Variants in MAK observed in about 807,000 individuals in gnomAD.
MAK encodes serine/threonine-protein kinase MAK.
Under a neutral mutation model 82.6 loss-of-function variants are expected in MAK, and 65 were observed. That is an observed-to-expected ratio of 0.79 (90% CI 0.64 to 0.97). The LOEUF (loss-of-function observed/expected upper bound fraction) is 0.97. Ranked by LOEUF, MAK falls within the 50% of genes least tolerant of loss-of-function variation. The pLI is 0.00. For synonymous variants in MAK, 250 were observed against 274.2 expected, an observed-to-expected ratio of 0.91 and a Z score of 0.87; for missense variants, 703 against 780.2, an observed-to-expected ratio of 0.90 and a Z score of 1.18.
chr6:10,821,022 C>T (rs958650791), intron 2 of MAK, among the ~76,000 whole-genome samples: 2 of 152,058 alleles, frequency 1.3e-5, no homozygotes, highest in African/African-American at 2.4e-5. Flanking sequence ...GATCATGGCT[C>T]ACTGTAGCCT....
intron 1 of MAK, among the ~76,000 whole-genome samples, chr6:10,835,734 A>G: frequency 6.6e-6 from 1 of 152,232 alleles, no homozygotes; most frequent in East Asian, 1.9e-4. Flanking sequence ...GGAATGGAAG[A>G]GGGAGCTGCC....
At chr6:10,816,474 T>G (rs1171553934) in intron 4 of MAK, among the ~76,000 whole-genome samples, 1 of 152,172 alleles carries the variant, frequency 6.6e-6, no homozygotes, top group African/African-American at 2.4e-5. Context: ...TTCATGTAAG[T>G]ATATATCATT....
chr6:10,767,151 ATC>A (rs1250360065), intron 14 of MAK, among the ~76,000 whole-genome samples: 1 of 152,216 alleles, frequency 6.6e-6, no homozygotes, highest in East Asian at 1.9e-4. Context: ...TAAAAACTGC[ATC>A]TGTCCTATCA....
At chr6:10,778,305 G>A (rs1773637005) in intron 11 of MAK, among the ~76,000 whole-genome samples, 1 of 152,196 alleles carries the variant, frequency 6.6e-6, no homozygotes, top group African/African-American at 2.4e-5. Flanking sequence ...TGAGCAGGGT[G>A]CATCATGTTT....
At chr6:10,811,516 T>G (rs1776930134) in intron 5 of MAK, among the ~76,000 whole-genome samples, 1 of 152,254 alleles carries the variant, frequency 6.6e-6, no homozygotes, top group Non-Finnish European at 1.5e-5. Flanking sequence ...CAATCCCTTA[T>G]GCTTCAGACG....
At chr6:10,813,499 A>C (rs1361282529) in intron 5 of MAK, 145 bp downstream of exon 5, 2 of 597,420 alleles carry the variant, frequency 3.3e-6, no homozygotes, top group African/African-American at 3.8e-5. Flanking sequence ...TAAAGTTTTT[A>C]AATAAAAATG....
chr6:10,782,845 T>C (rs1332947345), intron 11 of MAK, among the ~76,000 whole-genome samples: 1 of 152,218 alleles, frequency 6.6e-6, no homozygotes, highest in Non-Finnish European at 1.5e-5. Flanking sequence ...CCCAAAGTGC[T>C]GGGATTACAG....
At chr6:10,822,557 T>A (rs1010810350) in intron 2 of MAK, among the ~76,000 whole-genome samples, 2 of 152,220 alleles carry the variant, frequency 1.3e-5, no homozygotes, top group Non-Finnish European at 2.9e-5. Flanking sequence ...TTCCCTTCCC[T>A]AAGGCAATGC....
At chr6:10,804,269 G>T (rs1776235837) in intron 6 of MAK, among the ~76,000 whole-genome samples, 1 of 152,154 alleles carries the variant, frequency 6.6e-6, no homozygotes, top group Non-Finnish European at 1.5e-5. Flanking sequence ...AGATGAACAG[G>T]ATTATATCCT....
At chr6:10,768,984 A>G (rs971754493) in intron 14 of MAK, among the ~76,000 whole-genome samples, 1 of 152,222 alleles carries the variant, frequency 6.6e-6, no homozygotes, top group African/African-American at 2.4e-5. Context: ...CCAAGGTGGG[A>G]GGATTGCTTG....
At chr6:10,769,293 AT>A (rs1218557328) in intron 14 of MAK, among the ~76,000 whole-genome samples, 3 of 152,230 alleles carry the variant, frequency 2.0e-5, no homozygotes, top group South Asian at 2.1e-4. Context: ...TTTAATGTTT[AT>A]TTTTGGTGCT....
rs149543153 is a variant in MAK, at chr6:10,800,839, T to TCAA, written c.831+1050_831+1052dup. On this transcript the variant is annotated intron_variant, in intron 8 of 14. Transcript: ENST00000354489. This position sits in a 1 kb window ranked among gnomAD's most constrained non-coding sequence, Gnocchi z 4.2. ...TGGGCAACAAGAGTGAAACTCCATC[T>TCAA]CAACAACAACAACAAAATGTAACCC... Among the ~76,000 whole-genome samples the TCAA allele has an allele frequency of 0.24, 36,265 of 151,544 alleles. 4,470 individuals are homozygous for TCAA. Among genetic ancestry groups the TCAA allele is most frequent in the East Asian group, 0.36 (1,849 of 5,144 alleles).
rs1772884273 is a variant in MAK, at chr6:10,770,286, G to A, written c.1673-56C>T. On this transcript the variant is annotated intron_variant, in intron 13 of 14. Coordinates refer to ENST00000354489, the MANE Select transcript of MAK (RefSeq NM_001242957.3). ...GAAGGTGAATATTTTAGGCACAGTA[G>A]AATAACATTGAATACTACCCCATTA... 8 of 1,568,590 alleles carry A rather than the reference G, an allele frequency of 5.1e-6. No individual in the cohort carries two copies. In the South Asian group the frequency reaches 5.6e-5, roughly 11 times the overall value.
rs1040590083 is a variant in MAK, at chr6:10,830,840, T to C, written c.-192A>G. ...GTTCATGAGATATAGCATGAAGGAA[T>C]CGGGCAAGGAAACAACACTTCCATT... On this transcript the variant is annotated 5_prime_UTR_variant, in exon 2 of 15. Coordinates refer to ENST00000354489, the MANE Select transcript of MAK (RefSeq NM_001242957.3). The C allele has an allele frequency of 5.1e-5, 32 of 623,516 alleles. 1 individual carries two copies. Among genetic ancestry groups the C allele is most frequent in the Non-Finnish European group, 7.9e-5 (27 of 341,470 alleles). The allele number at this position is 623,516 out of a possible 1,614,324, so 38.6% of individuals were successfully genotyped here.
At chr6:10,827,146 T>C (rs907311938) in intron 2 of MAK, among the ~76,000 whole-genome samples, 2 of 152,004 alleles carry the variant, frequency 1.3e-5, no homozygotes, top group Admixed American at 6.6e-5. Flanking sequence ...TTTTGAAGGA[T>C]AAAACAAATA....
At chr6:10,784,344 T>C (rs1338804438) in intron 11 of MAK, 80 bp downstream of exon 11, 5 of 1,521,744 alleles carry the variant, frequency 3.3e-6, no homozygotes, top group Non-Finnish European at 4.6e-6. Flanking sequence ...CTGCTGCCCT[T>C]TCTTTGGAGA....
At chr6:10,817,368 T>C (rs1777577992) in intron 4 of MAK, among the ~76,000 whole-genome samples, 1 of 152,180 alleles carries the variant, frequency 6.6e-6, no homozygotes, top group Admixed American at 6.6e-5. Flanking sequence ...ATTTAAAAAT[T>C]GTGAATTTCC....
At chr6:10,813,809 C>A (rs1364360535) in intron 4 of MAK, 86 bp from the exon 5 acceptor site, 1 of 779,474 alleles carries the variant, frequency 1.3e-6, no homozygotes, top group Non-Finnish European at 2.4e-6. Context: ...TGCCTTGGAG[C>A]CTCTACTGGC....
intron 11 of MAK, among the ~76,000 whole-genome samples, chr6:10,782,202 TCACACACACACACA>T (rs746386493): frequency 0.65 from 95,234 of 146,048 alleles, 31,183 homozygotes; most frequent in East Asian, 0.73. Context: ...TGAAACTCTG[TCACACACACACACA>T]CACACACACA....
Sources: allele counts gnomAD v4.1 joint callset (sites outside exome capture counted in the v4.1 genomes callset), GRCh38; gene constraint gnomAD v4.1.1; non-coding constraint Gnocchi (gnomAD v3.1); transcripts MANE v1.5; gene names NCBI Gene and HGNC (gene_info 2026-07-23, HGNC 2026-07-21).